Variants in BNIP5 observed in about 807,000 individuals in gnomAD.
The protein encoded by BNIP5 is BCL2 interacting protein 5.
A neutral mutation model predicts 67.3 loss-of-function variants in BNIP5; 61 were observed. That is an observed-to-expected ratio of 0.91 (90% CI 0.74 to 1.12). The LOEUF is 1.12. BNIP5 is among the 50% of genes most tolerant of loss of function. The pLI is 0.00. For synonymous variants in BNIP5, 317 were observed against 319.0 expected, an observed-to-expected ratio of 0.99 and a Z score of 0.07; for missense variants, 826 against 816.3, an observed-to-expected ratio of 1.01 and a Z score of -0.14.
intron 11 of BNIP5, among the ~76,000 whole-genome samples, chr6:36,318,646 C>T (rs2127361687): frequency 6.6e-6 from 1 of 152,076 alleles, no homozygotes; most frequent in South Asian, 2.1e-4. Flanking sequence ...CATCTGAGCC[C>T]AGGAAGGTTG....
At chr6:36,323,043 G>T (rs570576635) in intron 8 of BNIP5, among the ~76,000 whole-genome samples, 1 of 152,342 alleles carries the variant, frequency 6.6e-6, no homozygotes, top group African/African-American at 2.4e-5. Context: ...GTGTTTGTGT[G>T]TGGAGAGGGA....
At chr6:36,321,041 C>T (rs1339196224) in intron 10 of BNIP5, 114 bp downstream of exon 10, 1 of 649,060 alleles carries the variant, frequency 1.5e-6, no homozygotes, top group East Asian at 2.8e-5. Flanking sequence ...AACCGAGACT[C>T]AGAGAGGTTA....
At chr6:36,320,883 G>C (rs1271935517) in intron 10 of BNIP5, among the ~76,000 whole-genome samples, 1 of 152,226 alleles carries the variant, frequency 6.6e-6, no homozygotes, top group East Asian at 1.9e-4. Context: ...AGCTGATTTG[G>C]ACAGGAGTGG....
At chr6:36,321,433 T>C (rs1215846223) in intron 9 of BNIP5, among the ~76,000 whole-genome samples, 1 of 152,156 alleles carries the variant, frequency 6.6e-6, no homozygotes, top group African/African-American at 2.4e-5. Flanking sequence ...TTTACAGAAA[T>C]AGAAGGGACT....
At position 36,322,175 on chromosome 6, in the gene BNIP5, C is replaced by T. The variant is rs920187471; in HGVS notation, c.1603+136G>A. The T allele has an allele frequency of 2.7e-6, 3 of 1,131,080 alleles. No individual in the cohort carries two copies. In the African/African-American group the frequency reaches 4.6e-5, roughly 17 times the overall value. The allele number at this position is 1,131,080 out of a possible 1,614,324, so 70.1% of individuals were successfully genotyped here. On this transcript the variant is annotated intron_variant, in intron 9 of 11. Transcript: ENST00000437635. The stretch of plus-strand genomic sequence containing the variant: ...GCCAAGCCTGTGCCCCCTGCCCCAT[C>T]CTAGAGTCTCCTGGGGTCTTTGCCT...
chr6:36,330,760 GTTTTGTTTGT>G, intron 1 of BNIP5, 66 bp from the exon 2 acceptor site: 1 of 1,496,014 alleles, frequency 6.7e-7, no homozygotes, highest in Non-Finnish European at 8.8e-7. Context: ...TTGTTTGTTT[GTTTTGTTTGT>G]TTTTGTTTTT....
intron 10 of BNIP5, among the ~76,000 whole-genome samples, chr6:36,320,248 T>C (rs998670660): frequency 1.3e-5 from 2 of 152,020 alleles, no homozygotes; most frequent in South Asian, 4.1e-4. Flanking sequence ...TCCCAGGAAA[T>C]GCTAATGGAA....
In BNIP5 at chr6:36,316,873, T is replaced by C. The variant is rs574639983; in HGVS notation, c.*483A>G. ...AATCCATATGAGCATGAAGAACTAC[T>C]GGTCAACTGAAGAAATGATGGGATA... On this transcript the variant is annotated 3_prime_UTR_variant, in exon 12 of 12. Transcript: ENST00000437635. The C allele has an allele frequency of 1.8e-4, 74 of 401,922 alleles. No individual in the cohort carries two copies. The highest frequency in any genetic ancestry group is 1.4e-3 in the African/African-American group (67 of 48,776). 24.9% of individuals were successfully genotyped at this position (401,922 alleles called of 1,614,324 possible).
At chr6:36,317,526 ACCTC>A in intron 11 of BNIP5, 135 bp from the exon 12 acceptor site, 1 of 751,452 alleles carries the variant, frequency 1.3e-6, no homozygotes, top group Non-Finnish European at 2.4e-6. Context: ...TTCTTGCAAC[ACCTC>A]CTGCTGACAC....
At chr6:36,333,271 G>C (rs1771943969) in intron 1 of BNIP5, among the ~76,000 whole-genome samples, 1 of 152,224 alleles carries the variant, frequency 6.6e-6, no homozygotes, top group African/African-American at 2.4e-5. Flanking sequence ...GACGACCTTG[G>C]AGGAAATGAG....
In BNIP5 at chr6:36,319,360, T is replaced by C; in HGVS notation, c.1919A>G (p.Gln640Arg). Residue 640 changes from glutamine to arginine, a missense_variant, in exon 11 of 12, where the codon CAG (glutamine) becomes CGG (arginine). By Grantham distance (43) the Gln-to-Arg change is conservative (BLOSUM62 1). Transcript: ENST00000437635. Reference sequence around the variant, plus strand: ...GTCTTCCCCGCCCTCTCTCACCGGCTGGTCCTCCCTGTATGGGAACTGGGT... The same window carrying C: ...GTCTTCCCCGCCCTCTCTCACCGGCCGGTCCTCCCTGTATGGGAACTGGGT... ...NCTQFPYRED[Q>R]PNITSPKVES... 1 of 1,613,650 alleles carries C rather than the reference T, an allele frequency of 6.2e-7. No homozygotes were observed.
chr6:36,326,924 G>GGAA (rs1443467712), intron 4 of BNIP5, 106 bp downstream of exon 4: 2 of 1,384,556 alleles, frequency 1.4e-6, no homozygotes, highest in African/African-American at 2.9e-5. Flanking sequence ...GAGGCTTCAG[G>GGAA]GAAGGAATGG....
chr6:36,330,398 C>A lies in BNIP5; in HGVS notation c.293G>T (p.Gly98Val). ...EQRPSQDTKK[G>V]WLKTMLNFFV... The stretch of plus-strand genomic sequence containing the variant: ...GAAGTTCAGCATGGTCTTCAGCCAC[C>A]CCTTCTTGGTGTCTTGCGAAGGCCT... Residue 98 changes from glycine to valine, a missense_variant, in exon 2 of 12, where the codon GGG (glycine) becomes GTG (valine). Transcript: ENST00000437635. 3.1e-6 allele frequency: 5 copies of A among 1,614,158 alleles called. No homozygotes were observed. The highest frequency in any genetic ancestry group is 4.2e-6 in the Non-Finnish European group (5 of 1,180,030).
chr6:36,323,622 G>GCC, intron 7 of BNIP5, 89 bp from the exon 8 acceptor site: 1 of 1,449,556 alleles, frequency 6.9e-7, no homozygotes, highest in Non-Finnish European at 9.5e-7. Flanking sequence ...CGGTGGGCTA[G>GCC]CAGGCGTTGC....
At position 36,325,265 on chromosome 6, in the gene BNIP5, A is replaced by C; in HGVS notation, c.1168+18T>G. On this transcript the variant is annotated intron_variant, in intron 6 of 11. Coordinates refer to ENST00000437635, the MANE Select transcript of BNIP5 (RefSeq NM_001010903.5). ...AAGTTTTGCAAGGGGTGTCTGAGAA[A>C]AAGAGAGGAGTACTGACTGTATTCC... The C allele has an allele frequency of 6.2e-7, 1 of 1,613,666 alleles. No homozygotes were observed. Among genetic ancestry groups the C allele is most frequent in the African/African-American group, 1.3e-5 (1 of 75,018 alleles).
In BNIP5 at chr6:36,318,171, C is replaced by T. The variant is rs528772337; in HGVS notation, c.1924-780G>A. On this transcript the variant is annotated intron_variant, in intron 11 of 11. Coordinates refer to ENST00000437635, the MANE Select transcript of BNIP5 (RefSeq NM_001010903.5). ...AATTCCAAGAAAGACAGAAGTGTTT[C>T]GGGTGATAGTAGCATCATTGCAAAA... Among the ~76,000 whole-genome samples the T allele has an allele frequency of 4.6e-5, 7 of 152,298 alleles. No individual in the cohort carries two copies. The East Asian group carries it at 5.8e-4, about 13-fold the overall frequency.
rs570687898 is a variant in BNIP5, at chr6:36,326,885, G to C, written c.793-132C>G. 1.3e-3 allele frequency: 1,835 copies of C among 1,444,410 alleles called. 3 individuals are homozygous for C. Among genetic ancestry groups the C allele is most frequent in the Non-Finnish European group, 1.7e-3 (1,722 of 1,032,432 alleles). The allele number at this position is 1,444,410 out of a possible 1,614,324, so 89.5% of individuals were successfully genotyped here. A position where few individuals can be genotyped will look rare whatever the true frequency, so the allele number is the denominator to read the frequency against. ...GGGAGGCAGCAGAGCCCAGAGCAGG[G>C]GGAGGGCTGAGTTCTGAAGCTGCAG... On this transcript the variant is annotated intron_variant, in intron 4 of 11. Coordinates refer to ENST00000437635, the MANE Select transcript of BNIP5 (RefSeq NM_001010903.5).
At chr6:36,317,428 CTCAATTATTTATGGGT>C (rs1401554335) in intron 11 of BNIP5, 37 bp from the exon 12 acceptor site, 1 of 1,588,964 alleles carries the variant, frequency 6.3e-7, no homozygotes, top group South Asian at 1.1e-5. Context: ...TTAGCCACAG[CTCAATTATTTATGGGT>C]TCATTCTGGA....
chr6:36,326,591 G>T lies in BNIP5; in HGVS notation c.955C>A (p.Pro319Thr). 1 of 1,614,252 alleles carries T rather than the reference G, an allele frequency of 6.2e-7. No individual in the cohort carries two copies. Among genetic ancestry groups the T allele is most frequent in the Non-Finnish European group, 8.5e-7 (1 of 1,180,048 alleles). ...AKRGAADVSS[P>T]EAWPPKKSSF... is the part of the protein sequence containing the mutation. ...GACTTCTTGGGTGGCCAGGCCTCTG[G>T]ACTGGAAACATCTGCAGCCCCCCTC... The change falls in exon 5 of 12, where the codon CCA becomes ACA. Residue 319 changes from proline (P) to threonine (T), a missense_variant. Pro to Thr is a conservative substitution (Grantham distance 38). Transcript: ENST00000437635.
Sources: gnomAD v4.1 joint callset for allele counts (sites outside exome capture counted in the v4.1 genomes callset) on GRCh38, gnomAD v4.1.1 for gene constraint, MANE v1.5 for transcripts, NCBI Gene and HGNC (gene_info 2026-07-23, HGNC 2026-07-21) for gene names.